The following KIAA0825 variants were observed in gnomAD, a reference collection of about 807,000 sequenced individuals.
KIAA0825 encodes the protein uncharacterized protein KIAA0825.
Under a neutral mutation model 147.6 loss-of-function variants are expected in KIAA0825, and 119 were observed. The observed-to-expected ratio is 0.81, with a 90% CI of 0.69 to 0.94. KIAA0825 has a LOEUF of 0.94. KIAA0825 is among the 40% of genes least tolerant of loss of function. The pLI is 0.00. For synonymous variants in KIAA0825, 470 were observed against 518.1 expected (o/e 0.91, Z 1.26); for missense variants, 1,381 against 1,472.7 (o/e 0.94, Z 1.02).
At chr5:94,220,658 A>C (rs1277260975) in intron 20 of KIAA0825, among the ~76,000 whole-genome samples, 1 of 152,274 alleles carries the variant, frequency 6.6e-6, no homozygotes, top group East Asian at 1.9e-4. Context: ...GCATATATAA[A>C]TGTATATGCT....
intron 5 of KIAA0825, among the ~76,000 whole-genome samples, chr5:94,494,314 CTTTTTTTTT>C (rs530332272): frequency 8.9e-5 from 10 of 111,872 alleles, no homozygotes; most frequent in Non-Finnish European, 1.6e-4. Context: ...ATATTCAATC[CTTTTTTTTT>C]TTTTTTTTTT....
Position 94,471,674 on chromosome 5 carries a change from T to C in KIAA0825, c.1513A>G (p.Arg505Gly). Residue 505 changes from arginine to glycine, a missense_variant, in exon 9 of 21, where the codon AGA becomes GGA. Transcript: ENST00000682413. The stretch of plus-strand genomic sequence containing the variant: ...CTAATTTCCTGAAAAGAATCATCTC[T>C]GCATGCCAGAGCCAGTGGAAGCATT... The part of the protein sequence containing the change: ...DTMLPLALAC[R>G]DDSFQEIRAN... The C allele has an allele frequency of 6.4e-7, 1 of 1,552,312 alleles. No homozygotes were observed. Among genetic ancestry groups the C allele is most frequent in the Non-Finnish European group, 8.7e-7 (1 of 1,147,116 alleles).
chr5:94,280,459 C>T (rs1422962828), intron 20 of KIAA0825, among the ~76,000 whole-genome samples: 1 of 152,078 alleles, frequency 6.6e-6, no homozygotes, highest in Non-Finnish European at 1.5e-5. Context: ...ACACACTCAT[C>T]TTTTGCATAA....
At chr5:94,240,478 T>A (rs183261266) in intron 20 of KIAA0825, among the ~76,000 whole-genome samples, 5 of 152,218 alleles carry the variant, frequency 3.3e-5, no homozygotes, top group African/African-American at 1.2e-4. Context: ...CTGGGCTGAC[T>A]TAGTTTAGTT....
At chr5:94,533,225 G>A (rs1286557853) in intron 3 of KIAA0825, among the ~76,000 whole-genome samples, 4 of 150,572 alleles carry the variant, frequency 2.7e-5, no homozygotes, top group Admixed American at 6.6e-5. Flanking sequence ...TGATCCGCCC[G>A]CCTCGGCCTC....
chr5:94,296,919 T>C (rs557640335), intron 20 of KIAA0825, among the ~76,000 whole-genome samples: 10 of 152,324 alleles, frequency 6.6e-5, no homozygotes, highest in Middle Eastern at 6.8e-3. Context: ...ACTATCACCA[T>C]ACACTGGTAA....
At chr5:94,231,322 T>TA (rs1774683120) in intron 20 of KIAA0825, among the ~76,000 whole-genome samples, 1 of 152,100 alleles carries the variant, frequency 6.6e-6, no homozygotes. Flanking sequence ...AGTAAACTGA[T>TA]ATGTACCCAA....
chr5:94,313,588 A>G (rs1262541013), intron 20 of KIAA0825, among the ~76,000 whole-genome samples: 1 of 147,208 alleles, frequency 6.8e-6, no homozygotes, highest in Non-Finnish European at 1.5e-5. Context: ...TGTGTCAGAC[A>G]TGCCTAGATT....
intron 5 of KIAA0825, among the ~76,000 whole-genome samples, chr5:94,516,768 C>T (rs1767322441): frequency 7.3e-6 from 1 of 137,800 alleles, no homozygotes; most frequent in African/African-American, 2.7e-5. Flanking sequence ...CCCGCCTGGG[C>T]GACAGAACGA....
intron 1 of KIAA0825, chr5:94,594,575 T>A: frequency 1.4e-6 from 1 of 721,542 alleles, no homozygotes; most frequent in Admixed American, 1.9e-5. Flanking sequence ...CACCAGGAGC[T>A]GAAAGGATTG....
chr5:94,547,250 T>A (rs1774588607), intron 2 of KIAA0825, among the ~76,000 whole-genome samples: 1 of 151,224 alleles, frequency 6.6e-6, no homozygotes, highest in Non-Finnish European at 1.5e-5. Context: ...AATCTAAGAG[T>A]TATTGGCCTT....
At position 94,158,396 on chromosome 5, in the gene KIAA0825, G is replaced by A. The variant is rs67066109; in HGVS notation, c.3711-4272C>T. Among the ~76,000 whole-genome samples the A allele has an allele frequency of 2.6e-5, 4 of 152,010 alleles. No individual in the cohort carries two copies. The East Asian group carries it at 5.8e-4, about 22-fold the overall frequency. The stretch of plus-strand genomic sequence containing the variant: ...TCTTAACTGGGGTGACACTGCCTCC[G>A]TATGGGGAAACATGGAGGGTATTTT... On this transcript the variant is annotated intron_variant, in intron 20 of 20. Transcript: ENST00000682413.
intron 5 of KIAA0825, among the ~76,000 whole-genome samples, chr5:94,497,076 G>A (rs1414919146): frequency 2.0e-5 from 3 of 152,090 alleles, no homozygotes; most frequent in Non-Finnish European, 4.4e-5. Flanking sequence ...ATACTATATG[G>A]TAAGAACTTT....
At chr5:94,257,818 A>G (rs1776317770) in intron 20 of KIAA0825, among the ~76,000 whole-genome samples, 1 of 152,026 alleles carries the variant, frequency 6.6e-6, no homozygotes, top group African/African-American at 2.4e-5. Context: ...GAAGATCTTC[A>G]ATATACAGTA....
At chr5:94,338,318 T>A (rs1562391674) in intron 20 of KIAA0825, among the ~76,000 whole-genome samples, 1 of 113,582 alleles carries the variant, frequency 8.8e-6, no homozygotes, top group Non-Finnish European at 1.9e-5. Context: ...TAGCTAAATG[T>A]TAATTATGTG....
chr5:94,245,568 C>A (rs531747024), intron 20 of KIAA0825, among the ~76,000 whole-genome samples: 19 of 152,024 alleles, frequency 1.2e-4, no homozygotes, highest in African/African-American at 4.6e-4. Flanking sequence ...CTGAATTGAC[C>A]AAGTTCTAGG....
intron 20 of KIAA0825, among the ~76,000 whole-genome samples, chr5:94,343,442 G>A (rs1171455327): frequency 1.3e-5 from 2 of 152,158 alleles, no homozygotes; most frequent in Admixed American, 6.5e-5. Flanking sequence ...TGTAATCCCA[G>A]CACTTTGGGA....
intron 5 of KIAA0825, among the ~76,000 whole-genome samples, chr5:94,505,964 G>A (rs965864699): frequency 3.9e-5 from 6 of 152,264 alleles, no homozygotes; most frequent in Admixed American, 6.5e-5. Context: ...TGAAAAATAC[G>A]TTTAGCTATC....
intron 20 of KIAA0825, among the ~76,000 whole-genome samples, chr5:94,291,778 A>C (rs1459309015): frequency 6.6e-6 from 1 of 151,984 alleles, no homozygotes; most frequent in African/African-American, 2.4e-5. Flanking sequence ...TGTATCCTCT[A>C]TTATTTCCTT....
Sources: allele counts gnomAD v4.1 joint callset (sites outside exome capture counted in the v4.1 genomes callset), GRCh38; gene constraint gnomAD v4.1.1; transcripts MANE v1.5; gene names NCBI Gene and HGNC (gene_info 2026-07-23, HGNC 2026-07-21).